The following TFAP2E variants were observed in gnomAD, a reference collection of about 807,000 sequenced individuals.
TFAP2E encodes transcription factor AP-2 epsilon.
A neutral mutation model predicts 37.9 loss-of-function variants in TFAP2E; 30 were observed. The observed-to-expected ratio is 0.79, with a 90% CI of 0.59 to 1.07. The LOEUF is 1.07. TFAP2E is among the 50% of genes least tolerant of loss of function. The pLI, the probability that TFAP2E is intolerant of heterozygous loss-of-function variation, is 0.00. For synonymous variants in TFAP2E, 318 were observed against 295.8 expected, an observed-to-expected ratio of 1.08 and a Z score of -0.77; for missense variants, 567 against 637.9, an observed-to-expected ratio of 0.89 and a Z score of 1.20.
chr1:35,590,505 G>GCC lies in TFAP2E; in HGVS notation c.905-129_905-128insCC. The GCC allele has an allele frequency of 8.8e-7, 1 of 1,138,686 alleles. No homozygotes were observed. The highest frequency in any genetic ancestry group is 3.2e-4 in the Middle Eastern group (1 of 3,152). The allele number at this position is 1,138,686 out of a possible 1,614,324, so 70.5% of individuals were successfully genotyped here. On this transcript the variant is annotated intron_variant, in intron 5 of 6. Coordinates refer to ENST00000373235, the MANE Select transcript of TFAP2E (RefSeq NM_178548.4). The surrounding 1 kb of genome is among the most constrained non-coding windows in gnomAD (Gnocchi z 6.2). ...TGGGGGCTGGAGCTGGGCTGGGAAGGAACATCAGAGGGGGCATCTACACAG... is the reference window on the plus strand; with the variant it reads ...TGGGGGCTGGAGCTGGGCTGGGAAGGCCAACATCAGAGGGGGCATCTACACAG...
intron 3 of TFAP2E, among the ~76,000 whole-genome samples, chr1:35,587,133 C>T (rs1317508249): frequency 6.6e-6 from 1 of 152,200 alleles, no homozygotes; most frequent in Non-Finnish European, 1.5e-5. Context: ...TAGTCCCAGA[C>T]TCCACACCCG....
rs1214008281 is a variant in TFAP2E, at chr1:35,590,057, G to A, written c.904+9G>A. 6.2e-7 allele frequency: 1 copy of A among 1,613,532 alleles called. No homozygotes were observed. Among genetic ancestry groups the A allele is most frequent in the South Asian group, 1.1e-5 (1 of 90,970 alleles). ...GACTTCGCTAGTGGAAGGTGAGTGA[G>A]GCCTGAAGGTGGGCATGGGAGTGGA... On this transcript the variant is annotated intron_variant, in intron 5 of 6. Transcript: ENST00000373235. This position sits in a 1 kb window ranked among gnomAD's most constrained non-coding sequence, Gnocchi z 6.2.
intron 4 of TFAP2E, 37 bp from the exon 5 acceptor site, chr1:35,589,893 C>T: frequency 6.2e-7 from 1 of 1,606,780 alleles, no homozygotes; most frequent in South Asian, 1.1e-5. Flanking sequence ...CTCTTGTCTT[C>T]ATAGTTGTAT....
intron 3 of TFAP2E, among the ~76,000 whole-genome samples, chr1:35,580,803 C>A (rs2148548229): frequency 6.6e-6 from 1 of 151,940 alleles, no homozygotes. Context: ...TTCTTGGGCA[C>A]CACCCCACAT....
In TFAP2E at chr1:35,574,206, C is replaced by CG. The variant is rs1284598534; in HGVS notation, c.307_308insG (p.Pro103ArgfsTer25). On this transcript the variant is annotated frameshift_variant, in exon 2 of 7. Transcript: ENST00000373235. LOFTEE classifies it high-confidence loss of function. ...GCCTCCTCAGGCCGCCTGGGCCGCG[C>CG]CCCGCGCAGCCGCCCGCGCCCACGA... The CG allele has an allele frequency of 1.6e-6, 2 of 1,253,170 alleles. No homozygotes were observed. Among genetic ancestry groups the CG allele is most frequent in the East Asian group, 8.7e-5 (2 of 23,048 alleles). 77.6% of individuals were successfully genotyped at this position (1,253,170 alleles called of 1,614,324 possible).
Position 35,573,400 on chromosome 1 carries a change from C to T in TFAP2E, c.-178C>T. The T allele has an allele frequency of 1.3e-6, 1 of 782,266 alleles. No homozygotes were observed. The highest frequency in any genetic ancestry group is 1.8e-6 in the Non-Finnish European group (1 of 545,632). 48.5% of individuals were successfully genotyped at this position (782,266 alleles called of 1,614,324 possible). ...CGTCCGTCCTGCCTCCATGGACCCG[C>T]CCGGGAACGGCCACCGCTGAGGACC... On this transcript the variant is annotated 5_prime_UTR_variant, in exon 1 of 7. Transcript: ENST00000373235. The surrounding 1 kb of genome is among the most constrained non-coding windows in gnomAD (Gnocchi z 5.9).
rs189848947 is a variant in TFAP2E at position 35,592,902 on chromosome 1, A to G, written c.1047-1492A>G. 6.6e-5 allele frequency among the ~76,000 whole-genome samples: 10 copies of G among 152,276 alleles called. No individual in the cohort carries two copies. The East Asian group carries it at 1.7e-3, about 26-fold the overall frequency. On this transcript the variant is annotated intron_variant, in intron 6 of 6. Transcript: ENST00000373235. ...ATGACGGCTCCACCTCCATGACCTAATCACCTCCCAAAGTCCTCACCTCCT... is the reference window on the plus strand; with the variant it reads ...ATGACGGCTCCACCTCCATGACCTAGTCACCTCCCAAAGTCCTCACCTCCT...
In TFAP2E at chr1:35,574,836, G is replaced by C. The variant is rs572196681; in HGVS notation, c.511-113G>C. The C allele has an allele frequency of 6.2e-6, 9 of 1,462,886 alleles. No individual in the cohort carries two copies. The African/African-American group carries it at 1.3e-4, about 20-fold the overall frequency. The allele number at this position is 1,462,886 out of a possible 1,614,324, so 90.6% of individuals were successfully genotyped here. Reference sequence around the variant, plus strand: ...GGGCCTGCCCGTCGCCGCCCCAAGCGAAGCTGGTGCGCCTTGGGCGGAGCA... The same window carrying C: ...GGGCCTGCCCGTCGCCGCCCCAAGCCAAGCTGGTGCGCCTTGGGCGGAGCA... On this transcript the variant is annotated intron_variant, in intron 2 of 6. Coordinates refer to ENST00000373235, the MANE Select transcript of TFAP2E (RefSeq NM_178548.4).
intron 3 of TFAP2E, among the ~76,000 whole-genome samples, chr1:35,581,105 A>G (rs1557434808): frequency 6.6e-6 from 1 of 152,360 alleles, no homozygotes; most frequent in East Asian, 1.9e-4. Context: ...TTCTATAAAT[A>G]GAATATATAA....
At position 35,592,672 on chromosome 1, in the gene TFAP2E, T is replaced by C. The variant is rs556103724; in HGVS notation, c.1047-1722T>C. Among the ~76,000 whole-genome samples, 292 of 152,264 alleles carry C rather than the reference T, an allele frequency of 1.9e-3. 1 individual carries two copies. Among genetic ancestry groups the C allele is most frequent in the Non-Finnish European group, 2.0e-3 (139 of 68,016 alleles). On this transcript the variant is annotated intron_variant, in intron 6 of 6. Coordinates refer to ENST00000373235, the MANE Select transcript of TFAP2E (RefSeq NM_178548.4). ...GCTCCCTAAGTGCTTGGATTATAGG[T>C]GTGAGCCACCACGCCCAGCCAACAA...
In TFAP2E at chr1:35,573,782, C is replaced by T. The variant is rs1016420987; in HGVS notation, c.28-145C>T. 1 of 1,372,234 alleles carries T rather than the reference C, an allele frequency of 7.3e-7. No homozygotes were observed. Among genetic ancestry groups the T allele is most frequent in the Non-Finnish European group, 9.5e-7 (1 of 1,052,988 alleles). The allele number at this position is 1,372,234 out of a possible 1,614,324, so 85.0% of individuals were successfully genotyped here. A position where few individuals can be genotyped will look rare whatever the true frequency, so the allele number is the denominator to read the frequency against. ...CTGTCCCCAGCCTGAGGCTCCTGCG[C>T]CCGCGGGTGGCTCGGAAATAAACCT... On this transcript the variant is annotated intron_variant, in intron 1 of 6. Coordinates refer to ENST00000373235, the MANE Select transcript of TFAP2E (RefSeq NM_178548.4). This position sits in a 1 kb window ranked among gnomAD's most constrained non-coding sequence, Gnocchi z 5.9.
chr1:35,573,892 A>C lies in TFAP2E; in HGVS notation c.28-35A>C, dbSNP rs949397396. On this transcript the variant is annotated intron_variant, in intron 1 of 6. Transcript: ENST00000373235. The surrounding 1 kb of genome is among the most constrained non-coding windows in gnomAD (Gnocchi z 5.9). ...TCAGGCTGGGGTCCTTTCAGCTGCC[A>C]GTGGGTCACCTAAGGCACCCCTCTC... is the stretch of plus-strand genomic sequence containing the variant. The C allele has an allele frequency of 2.8e-6, 4 of 1,432,578 alleles. No individual in the cohort carries two copies. The highest frequency in any genetic ancestry group is 2.6e-4 in the Middle Eastern group (1 of 3,808). The allele number at this position is 1,432,578 out of a possible 1,614,324, so 88.7% of individuals were successfully genotyped here. A position where few individuals can be genotyped will look rare whatever the true frequency, so the allele number is the denominator to read the frequency against.
intron 3 of TFAP2E, among the ~76,000 whole-genome samples, chr1:35,581,664 CT>C (rs1184577363): frequency 6.6e-6 from 1 of 151,876 alleles, no homozygotes; most frequent in Non-Finnish European, 1.5e-5. Context: ...CCTCTGCCTC[CT>C]GGGTTCAAGT....
intron 3 of TFAP2E, among the ~76,000 whole-genome samples, chr1:35,579,932 C>A (rs978563062): frequency 6.6e-6 from 1 of 151,972 alleles, no homozygotes; most frequent in Admixed American, 6.6e-5. Flanking sequence ...CTGGGCCGGG[C>A]GCAGTGGCTT....
chr1:35,588,148 A>G lies in TFAP2E; in HGVS notation c.563-182A>G, dbSNP rs1649543548. ...GTTCAGTGAGGGGGACACAGATTCA[A>G]GAGCCAGACAACTCGGAGTTCAGTC... On this transcript the variant is annotated intron_variant, in intron 3 of 6. Coordinates refer to ENST00000373235, the MANE Select transcript of TFAP2E (RefSeq NM_178548.4). The surrounding 1 kb of genome is among the most constrained non-coding windows in gnomAD (Gnocchi z 5.1). Among the ~76,000 whole-genome samples, 1 of 152,214 alleles carries G rather than the reference A, an allele frequency of 6.6e-6. No individual in the cohort carries two copies. The highest frequency in any genetic ancestry group is 6.5e-5 in the Admixed American group (1 of 15,278).
In TFAP2E at chr1:35,573,715, G is replaced by T; in HGVS notation, c.27+111G>T. 4 of 1,471,088 alleles carry T rather than the reference G, an allele frequency of 2.7e-6. No homozygotes were observed. Among genetic ancestry groups the T allele is most frequent in the South Asian group, 2.6e-5 (2 of 76,262 alleles). The allele number at this position is 1,471,088 out of a possible 1,614,324, so 91.1% of individuals were successfully genotyped here. ...AACGAAATCTCGGAGGGAGGGGGCC[G>T]CAGGGACTTCGCCAGCTGAGAACGC... is the stretch of plus-strand genomic sequence containing the variant. On this transcript the variant is annotated intron_variant, in intron 1 of 6. Coordinates refer to ENST00000373235, the MANE Select transcript of TFAP2E (RefSeq NM_178548.4). This position sits in a 1 kb window ranked among gnomAD's most constrained non-coding sequence, Gnocchi z 5.9.
Position 35,594,523 on chromosome 1 carries a change from C to T in TFAP2E, c.1176C>T (p.Gly392=). The T allele has an allele frequency of 6.2e-7, 1 of 1,614,218 alleles. No homozygotes were observed. Among genetic ancestry groups the T allele is most frequent in the Non-Finnish European group, 8.5e-7 (1 of 1,180,038 alleles). Residue 392 remains glycine (G), a synonymous_variant, in exon 7 of 7, where the codon GGC becomes GGT. Coordinates refer to ENST00000373235, the MANE Select transcript of TFAP2E (RefSeq NM_178548.4). ...CLTHFSLITH[G]FGGPAICAAL... ...CACACTTTAGCCTCATCACCCATGG[C>T]TTCGGTGGGCCTGCCATCTGTGCTG...
rs564080076 is a variant in TFAP2E at position 35,574,864 on chromosome 1, C to T, written c.511-85C>T. The T allele has an allele frequency of 1.3e-4, 210 of 1,593,154 alleles. 2 individuals are homozygous for T. In the South Asian group the frequency reaches 2.2e-3, roughly 17 times the overall value. On this transcript the variant is annotated intron_variant, in intron 2 of 6. Coordinates refer to ENST00000373235, the MANE Select transcript of TFAP2E (RefSeq NM_178548.4). ...GCTGGTGCGCCTTGGGCGGAGCAGA[C>T]AGAGACCCTGGGTGGCAGGGGCTTG...
chr1:35,577,622 A>G lies in TFAP2E; in HGVS notation c.562+2622A>G. 1 of 345,228 alleles carries G rather than the reference A, an allele frequency of 2.9e-6. No individual in the cohort carries two copies. The highest frequency in any genetic ancestry group is 2.1e-5 in the South Asian group (1 of 47,154). 21.4% of individuals were successfully genotyped at this position (345,228 alleles called of 1,614,324 possible). On this transcript the variant is annotated intron_variant, in intron 3 of 6. Transcript: ENST00000373235. The surrounding 1 kb of genome is among the most constrained non-coding windows in gnomAD (Gnocchi z 6.3). ...CTTGGTGCGAAAGGGAGGCAGCTGCAGCCTCAGCCCCACCCCAGAAGCGGC... is the reference window on the plus strand; with the variant it reads ...CTTGGTGCGAAAGGGAGGCAGCTGCGGCCTCAGCCCCACCCCAGAAGCGGC...
Sources: gnomAD v4.1 joint callset for allele counts (sites outside exome capture counted in the v4.1 genomes callset) on GRCh38, gnomAD v4.1.1 for gene constraint, Gnocchi (gnomAD v3.1) non-coding constraint, MANE v1.5 for transcripts, NCBI Gene and HGNC (gene_info 2026-07-23, HGNC 2026-07-21) for gene names.